SVEP1: variants seen among roughly 807,000 people sequenced by gnomAD.
SVEP1 encodes the protein sushi, von Willebrand factor type A, EGF and pentraxin domain-containing protein 1.
Under a neutral mutation model 367.3 loss-of-function variants are expected in SVEP1, and 164 were observed. The observed-to-expected ratio is 0.45, with a 90% CI of 0.39 to 0.51. The LOEUF (loss-of-function observed/expected upper bound fraction) is 0.51. Among genes scored for constraint, SVEP1 ranks in the 20% least tolerant of loss-of-function variants. The pLI, the probability that SVEP1 is intolerant of heterozygous loss-of-function variation, is 0.00. For synonymous variants in SVEP1, 1,666 were observed against 1,611.6 expected (o/e 1.03, Z -0.81); for missense variants, 4,117 against 4,425.3 (o/e 0.93, Z 1.98).
At chr9:110,573,702 G>A (rs1367492085) in intron 1 of SVEP1, among the ~76,000 whole-genome samples, 2 of 152,178 alleles carry the variant, frequency 1.3e-5, no homozygotes, top group Non-Finnish European at 2.9e-5. Context: ...CATTCACAGT[G>A]GGACCAATTT....
At chr9:110,404,663 TATTGATTGTTG>T in intron 38 of SVEP1, 111 bp from the exon 39 acceptor site, 1 of 978,352 alleles carries the variant, frequency 1.0e-6, no homozygotes, top group East Asian at 2.4e-5. Context: ...TTGTGCAACA[TATTGATTGTTG>T]CACAATCAAT....
chr9:110,483,406 G>A (rs1460809513), intron 10 of SVEP1, among the ~76,000 whole-genome samples, 180 bp downstream of exon 10: 1 of 152,126 alleles, frequency 6.6e-6, no homozygotes, highest in African/African-American at 2.4e-5. Flanking sequence ...TCATTGATAG[G>A]TAAGATTGAT....
At chr9:110,491,528 C>A (rs1829365715) in intron 8 of SVEP1, among the ~76,000 whole-genome samples, 1 of 151,524 alleles carries the variant, frequency 6.6e-6, no homozygotes, top group South Asian at 2.1e-4. Flanking sequence ...TAAGTAGAAT[C>A]CCTTTTTAAC....
At chr9:110,483,441 C>A in intron 10 of SVEP1, 145 bp downstream of exon 10, 1 of 455,590 alleles carries the variant, frequency 2.2e-6, no homozygotes, top group South Asian at 5.1e-5. Flanking sequence ...ATTATTCTAG[C>A]ATTAAAACAT....
At chr9:110,429,120 T>C (rs761757886) in intron 35 of SVEP1, 23 bp downstream of exon 35, 9 of 1,519,374 alleles carry the variant, frequency 5.9e-6, no homozygotes, top group South Asian at 1.3e-5. Context: ...GTAGAAAGCT[T>C]GGTTGGTGTC....
At chr9:110,513,165 T>A in intron 4 of SVEP1, 60 bp from the exon 5 acceptor site, 1 of 477,998 alleles carries the variant, frequency 2.1e-6, no homozygotes, top group Non-Finnish European at 3.0e-6. Flanking sequence ...TGACATATCC[T>A]TTTTTTTTTT....
chr9:110,463,535 T>A (rs1828890780), intron 18 of SVEP1, among the ~76,000 whole-genome samples: 1 of 110,732 alleles, frequency 9.0e-6, no homozygotes, highest in Non-Finnish European at 2.0e-5. Context: ...AGAAAATAAA[T>A]CAGTAATAAA....
chr9:110,420,263 A>G (rs1450104680), intron 36 of SVEP1, among the ~76,000 whole-genome samples: 1 of 19,960 alleles, frequency 5.0e-5, no homozygotes, highest in Non-Finnish European at 8.3e-5. Context: ...AAATAGACAC[A>G]ATAAAAAATG....
intron 13 of SVEP1, among the ~76,000 whole-genome samples, chr9:110,477,620 G>A (rs1187003704): frequency 6.6e-6 from 1 of 151,982 alleles, no homozygotes; most frequent in Non-Finnish European, 1.5e-5. Context: ...ACTCAGAAAA[G>A]AGCCTCCGTT....
chr9:110,366,376 T>A lies in SVEP1; in HGVS notation c.*163A>T. 1 of 549,706 alleles carries A rather than the reference T, an allele frequency of 1.8e-6. No homozygotes were observed. Among genetic ancestry groups the A allele is most frequent in the Non-Finnish European group, 2.9e-6 (1 of 345,610 alleles). The allele number at this position is 549,706 out of a possible 1,614,324, so 34.1% of individuals were successfully genotyped here. Reference sequence around the variant, plus strand: ...ATGTAAGAAAGTATGTCACAAGGAATAACAAAATATATCACAAAATAAAAA... The same window carrying A: ...ATGTAAGAAAGTATGTCACAAGGAAAAACAAAATATATCACAAAATAAAAA... On this transcript the variant is annotated 3_prime_UTR_variant, in exon 48 of 48. Transcript: ENST00000374469.
intron 6 of SVEP1, among the ~76,000 whole-genome samples, chr9:110,501,079 G>C (rs1829521597): frequency 6.9e-6 from 1 of 145,470 alleles, no homozygotes; most frequent in Non-Finnish European, 1.5e-5. Flanking sequence ...ATAAATATAT[G>C]TACTATATAT....
intron 3 of SVEP1, among the ~76,000 whole-genome samples, chr9:110,545,318 T>A (rs977686687): frequency 6.6e-6 from 1 of 152,186 alleles, no homozygotes; most frequent in Non-Finnish European, 1.5e-5. Context: ...GTAGTTCTCT[T>A]TTTAGTTTTT....
Position 110,369,989 on chromosome 9 carries a change from C to T in SVEP1, c.10628G>A (p.Gly3543Asp). 2 of 1,613,178 alleles carry T rather than the reference C, an allele frequency of 1.2e-6. No individual in the cohort carries two copies. Among genetic ancestry groups the T allele is most frequent in the Non-Finnish European group, 1.7e-6 (2 of 1,179,496 alleles). Reference protein sequence around the residue: ...TAVCQSPCLNGGKCVRPNRCH... With the variant: ...TAVCQSPCLNDGKCVRPNRCH... ...TCGGTTTGGTCTTACACATTTTCCA[C>T]CATTTAAGCAGGGAGACTGGCAAAC... Residue 3543 changes from glycine (G) to aspartate (D), a missense_variant, in exon 47 of 48, where the codon GGT becomes GAT. By Grantham distance (94) the Gly-to-Asp change is moderately conservative (BLOSUM62 -1). Transcript: ENST00000374469.
chr9:110,443,449 G>T, intron 27 of SVEP1, 96 bp downstream of exon 27: 2 of 1,123,124 alleles, frequency 1.8e-6, no homozygotes, highest in Non-Finnish European at 1.2e-6. Flanking sequence ...ATCTTTGTTT[G>T]AAACCAAGAA....
intron 1 of SVEP1, among the ~76,000 whole-genome samples, chr9:110,569,198 T>C (rs1015075355): frequency 6.6e-6 from 1 of 152,046 alleles, no homozygotes; most frequent in Non-Finnish European, 1.5e-5. Context: ...ATGGGCAATT[T>C]AAAAAATTGA....
At chr9:110,562,523 G>A (rs927480909) in intron 1 of SVEP1, among the ~76,000 whole-genome samples, 2 of 152,086 alleles carry the variant, frequency 1.3e-5, no homozygotes, top group Non-Finnish European at 2.9e-5. Context: ...TATTACATAT[G>A]GTATTTGGAC....
rs201061993 is a variant in SVEP1, at chr9:110,573,182, A to T, written c.531+5831T>A. 2.1e-3 allele frequency among the ~76,000 whole-genome samples: 199 copies of T among 92,990 alleles called. 1 individual carries two copies. Among genetic ancestry groups the T allele is most frequent in the Non-Finnish European group, 3.3e-3 (139 of 42,522 alleles). The allele number at this position is 92,990 out of a possible 152,430, so 61.0% of individuals were successfully genotyped here. ...CATAAGTACCCCCACCCCTTCCTAT[A>T]AAAAAAAAAAGAACCCAAACTTTCC... is the stretch of plus-strand genomic sequence containing the variant. On this transcript the variant is annotated intron_variant, in intron 1 of 47. Coordinates refer to ENST00000374469, the MANE Select transcript of SVEP1 (RefSeq NM_153366.4).
intron 22 of SVEP1, among the ~76,000 whole-genome samples, chr9:110,453,884 TAAAA>T (rs34249642): frequency 6.9e-6 from 1 of 145,442 alleles, no homozygotes. Context: ...ATACAAAAAT[TAAAA>T]AAAAAAAAAA....
chr9:110,375,489 A>AC, intron 45 of SVEP1, 26 bp from the exon 46 acceptor site: 2 of 1,362,668 alleles, frequency 1.5e-6, no homozygotes, highest in Non-Finnish European at 2.0e-6. Flanking sequence ...AAAAAAAAAA[A>AC]AGGAGGCAGG....
Sources: allele counts gnomAD v4.1 joint callset (sites outside exome capture counted in the v4.1 genomes callset), GRCh38; gene constraint gnomAD v4.1.1; transcripts MANE v1.5; gene names NCBI Gene and HGNC (gene_info 2026-07-23, HGNC 2026-07-21).